Variants in CAMTA1 observed in about 807,000 individuals in gnomAD.
CAMTA1 encodes the protein calmodulin-binding transcription activator 1.
CAMTA1 carries 27 observed loss-of-function variants against 170.9 expected under a neutral mutation model. That is an observed-to-expected ratio of 0.16 (90% CI 0.12 to 0.22). The LOEUF (loss-of-function observed/expected upper bound fraction) is 0.22. CAMTA1 is among the 10% of genes least tolerant of loss of function. The pLI, the probability that CAMTA1 is intolerant of heterozygous loss-of-function variation, is 1.00. For missense variants in CAMTA1, 1,619 were observed against 2,217.2 expected (o/e 0.73, Z 5.42); for synonymous variants, 833 against 891.5 (o/e 0.93, Z 1.17).
chr1:6,879,973 G>A (rs1415659095), intron 3 of CAMTA1, among the ~76,000 whole-genome samples: 2 of 151,972 alleles, frequency 1.3e-5, no homozygotes, highest in Non-Finnish European at 2.9e-5. Flanking sequence ...ACTCAGAACG[G>A]CATTATGCCT....
At chr1:7,507,496 C>T (rs921691733) in intron 6 of CAMTA1, among the ~76,000 whole-genome samples, 1 of 152,230 alleles carries the variant, frequency 6.6e-6, no homozygotes, top group Non-Finnish European at 1.5e-5. Context: ...ACCTGAAAAA[C>T]CCCAACATTC....
intron 3 of CAMTA1, among the ~76,000 whole-genome samples, chr1:7,089,564 CCA>C (rs1183228674): frequency 6.6e-6 from 1 of 150,564 alleles, no homozygotes; most frequent in Non-Finnish European, 1.5e-5. Flanking sequence ...CCATCCCATC[CCA>C]TCCCATCCCA....
intron 3 of CAMTA1, among the ~76,000 whole-genome samples, chr1:6,872,402 C>T (rs1668666898): frequency 6.6e-6 from 1 of 152,114 alleles, no homozygotes; most frequent in South Asian, 2.1e-4. Context: ...AAAGCTTAGA[C>T]TTTTAATTTT....
intron 4 of CAMTA1, among the ~76,000 whole-genome samples, chr1:7,104,124 CACATA>C (rs1400387063): frequency 1.3e-4 from 7 of 55,302 alleles, no homozygotes; most frequent in Non-Finnish European, 2.5e-4. Context: ...ACACACAACA[CACATA>C]ACTACACACG....
Position 7,065,620 on chromosome 1 carries a change from G to T in CAMTA1, c.235-25684G>T, listed in dbSNP as rs1279866759. 6.8e-6 allele frequency among the ~76,000 whole-genome samples: 1 copy of T among 147,854 alleles called. No individual in the cohort carries two copies. The highest frequency in any genetic ancestry group is 1.5e-5 in the Non-Finnish European group (1 of 67,232). Reference sequence around the variant, plus strand: ...AGCAGGTGGGGGTGCTTATTTCATGGCCATAGGAGGGAAGAGAGAGGAGAC... The same window carrying T: ...AGCAGGTGGGGGTGCTTATTTCATGTCCATAGGAGGGAAGAGAGAGGAGAC... On this transcript the variant is annotated intron_variant, in intron 3 of 22. Transcript: ENST00000303635. This position sits in a 1 kb window ranked among gnomAD's most constrained non-coding sequence, Gnocchi z 5.2.
chr1:7,312,020 C>A (rs1029405754), intron 5 of CAMTA1, among the ~76,000 whole-genome samples: 1 of 152,178 alleles, frequency 6.6e-6, no homozygotes. Flanking sequence ...TCTCCACCAT[C>A]TCCTTGGGCC....
chr1:7,257,159 A>G (rs1206166084), intron 5 of CAMTA1, among the ~76,000 whole-genome samples: 1 of 151,946 alleles, frequency 6.6e-6, no homozygotes, highest in African/African-American at 2.4e-5. Flanking sequence ...TTCCCTAACT[A>G]CAGCCAAATG....
chr1:7,246,977 G>A (rs1340885103), intron 4 of CAMTA1, among the ~76,000 whole-genome samples: 1 of 152,178 alleles, frequency 6.6e-6, no homozygotes, highest in East Asian at 1.9e-4. Flanking sequence ...ACGGCAGTAC[G>A]GCCTCATTTT....
Position 7,471,817 on chromosome 1 carries a change from G to A in CAMTA1, c.510+3916G>A, listed in dbSNP as rs544202636. On this transcript the variant is annotated intron_variant, in intron 6 of 22. Transcript: ENST00000303635. Reference sequence around the variant, plus strand: ...TGGTTTCGAGGGGTAGGCAGCAGAGGTTCAGGGCCCCCTGACCTCCTCATG... The same window carrying A: ...TGGTTTCGAGGGGTAGGCAGCAGAGATTCAGGGCCCCCTGACCTCCTCATG... Among the ~76,000 whole-genome samples the A allele has an allele frequency of 2.5e-3, 383 of 152,318 alleles. 3 individuals are homozygous for A. Among genetic ancestry groups the A allele is most frequent in the African/African-American group, 8.9e-3 (372 of 41,568 alleles).
At chr1:7,080,773 G>A (rs1157539288) in intron 3 of CAMTA1, among the ~76,000 whole-genome samples, 1 of 152,184 alleles carries the variant, frequency 6.6e-6, no homozygotes, top group Non-Finnish European at 1.5e-5. Context: ...ATATCAGTCA[G>A]GATCCTCTCA....
rs1268860064 is a variant in CAMTA1 at position 7,092,091 on chromosome 1, C to T, written c.302+720C>T. Among the ~76,000 whole-genome samples, 1 of 152,170 alleles carries T rather than the reference C, an allele frequency of 6.6e-6. No individual in the cohort carries two copies. Among genetic ancestry groups the T allele is most frequent in the African/African-American group, 2.4e-5 (1 of 41,438 alleles). The stretch of plus-strand genomic sequence containing the variant: ...ATCTAGAGCTTCGGAAATACATGGC[C>T]ACTCTCTTCCAATTGCCGTAAGTTT... On this transcript the variant is annotated intron_variant, in intron 4 of 22. Transcript: ENST00000303635. The surrounding 1 kb of genome is among the most constrained non-coding windows in gnomAD (Gnocchi z 5.0).
At chr1:7,296,131 AGGAAAGCTT>A (rs1429332826) in intron 5 of CAMTA1, among the ~76,000 whole-genome samples, 1 of 152,222 alleles carries the variant, frequency 6.6e-6, no homozygotes, top group African/African-American at 2.4e-5. Context: ...GGAACACAAC[AGGAAAGCTT>A]GCTTCATCAG....
chr1:7,373,282 T>C (rs540840853), intron 5 of CAMTA1, among the ~76,000 whole-genome samples: 1 of 152,328 alleles, frequency 6.6e-6, no homozygotes, highest in South Asian at 2.1e-4. Context: ...CAGACTTTGC[T>C]AAATGTCGCT....
intron 7 of CAMTA1, among the ~76,000 whole-genome samples, chr1:7,657,293 C>T (rs2095912566): frequency 6.6e-6 from 1 of 152,212 alleles, no homozygotes; most frequent in Non-Finnish European, 1.5e-5. Flanking sequence ...ACCACCAAGG[C>T]TCCAACTATG....
intron 5 of CAMTA1, among the ~76,000 whole-genome samples, chr1:7,269,415 A>C (rs1669371883): frequency 6.6e-6 from 1 of 152,220 alleles, no homozygotes. Flanking sequence ...TAGAAGTCAC[A>C]GTTTTTTGTA....
chr1:7,082,190 C>T (rs1348204848), intron 3 of CAMTA1, among the ~76,000 whole-genome samples: 4 of 152,136 alleles, frequency 2.6e-5, no homozygotes, highest in Non-Finnish European at 4.4e-5. Flanking sequence ...GTAACCCCAG[C>T]ACTTTGGGAG....
chr1:7,370,309 A>G (rs2086341971), intron 5 of CAMTA1: 4 of 152,254 alleles, frequency 2.6e-5, no homozygotes, highest in South Asian at 4.1e-4. Context: ...CTAAATTTTA[A>G]TGGCATTTAG....
chr1:7,637,710 C>T (rs2095724414), intron 6 of CAMTA1, among the ~76,000 whole-genome samples: 1 of 152,212 alleles, frequency 6.6e-6, no homozygotes, highest in African/African-American at 2.4e-5. Flanking sequence ...TCAGGCTGTG[C>T]CCTGCTGGCA....
chr1:6,960,744 C>A (rs183829667), intron 3 of CAMTA1, among the ~76,000 whole-genome samples: 4 of 152,330 alleles, frequency 2.6e-5, no homozygotes, highest in Admixed American at 2.6e-4. Context: ...TGGGGCAGTG[C>A]TGCGTGTGCA....
Sources: gnomAD v4.1 joint callset for allele counts (sites outside exome capture counted in the v4.1 genomes callset) on GRCh38, gnomAD v4.1.1 for gene constraint, Gnocchi (gnomAD v3.1) non-coding constraint, MANE v1.5 for transcripts, NCBI Gene and HGNC (gene_info 2026-07-23, HGNC 2026-07-21) for gene names.